The following FAM161B variants were observed in gnomAD, a reference collection of about 807,000 sequenced individuals.
The protein encoded by FAM161B is protein FAM161B.
A neutral mutation model predicts 61.5 loss-of-function variants in FAM161B; 46 were observed. The observed-to-expected ratio is 0.75, with a 90% confidence interval of 0.59 to 0.96. The LOEUF is 0.96. Among genes scored for constraint, FAM161B ranks in the 40% least tolerant of loss-of-function variants. FAM161B has a pLI of 0.00. For synonymous variants in FAM161B, 284 were observed against 302.7 expected (o/e 0.94, Z 0.64); for missense variants, 774 against 800.7 (o/e 0.97, Z 0.40).
Position 73,933,455 on chromosome 14 carries a change from A to G in FAM161B, c.*801T>C, listed in dbSNP as rs1440919628. On this transcript the variant is annotated 3_prime_UTR_variant, in exon 9 of 9. Transcript: ENST00000286544. ...AGAAGTTGTAAGTTTTTCATCCCCC[A>G]TGGGCTAGATCTGATATGCAGATGT... 6.6e-6 allele frequency: 1 copy of G among 152,258 alleles called. No homozygotes were observed. The highest frequency in any genetic ancestry group is 2.4e-5 in the African/African-American group (1 of 41,468). 9.4% of individuals were successfully genotyped at this position (152,258 alleles called of 1,614,324 possible).
chr14:73,934,268 T>C lies in FAM161B; in HGVS notation c.1932A>G (p.Val644=), dbSNP rs2055951536. The C allele has an allele frequency of 1.2e-6, 2 of 1,612,486 alleles. No homozygotes were observed. Among genetic ancestry groups the C allele is most frequent in the Non-Finnish European group, 1.7e-6 (2 of 1,179,632 alleles). The change falls in exon 9 of 9, where the codon GTA becomes GTG. Residue 644 remains valine, a synonymous_variant. Transcript: ENST00000286544. Reference sequence around the variant, plus strand: ...TTAAGTGTAGTGATTAAGCAAGTGATACGAGATTTTCTGGTGACTGATGAG... The same window carrying C: ...TTAAGTGTAGTGATTAAGCAAGTGACACGAGATTTTCTGGTGACTGATGAG... ...ELSHQSPENL[V]SLA
the FAM161B span, among the ~76,000 whole-genome samples, chr14:73,926,310 A>G: frequency 6.6e-6 from 1 of 152,044 alleles, no homozygotes; most frequent in Admixed American, 6.6e-5. Flanking sequence ...GGTTTGCTAG[A>G]GTCAGGATTC....
downstream of FAM161B, among the ~76,000 whole-genome samples, chr14:73,929,875 TGGTTCA>T (rs1278372060): frequency 7.2e-5 from 11 of 152,066 alleles, no homozygotes; most frequent in Admixed American, 3.3e-4. Context: ...GTCACCTCTC[TGGTTCA>T]GGTGGACAAT....
At position 73,950,062 on chromosome 14, in the gene FAM161B, G is replaced by A; in HGVS notation, c.-36C>T. 6.2e-7 allele frequency: 1 copy of A among 1,609,394 alleles called. No individual in the cohort carries two copies. Among genetic ancestry groups the A allele is most frequent in the Non-Finnish European group, 8.5e-7 (1 of 1,179,962 alleles). ...CAGAGGCAGCAGCGACAGTGACAGC[G>A]ATAGTGGCAGCAGCGGTGGCAGCGA... On this transcript the variant is annotated 5_prime_UTR_variant, in exon 1 of 9. Coordinates refer to ENST00000286544, the MANE Select transcript of FAM161B (RefSeq NM_152445.3).
Position 73,942,364 on chromosome 14 carries a change from C to T in FAM161B, c.1272+5G>A, listed in dbSNP as rs750387133. ...TGACCCTCCCACAGCTGCCTGGGCT[C>T]TCACCTGCCTCCTTCCGGTGGTGGC... On this transcript the variant is annotated splice_donor_5th_base_variant and intron_variant, in intron 4 of 8. Coordinates refer to ENST00000286544, the MANE Select transcript of FAM161B (RefSeq NM_152445.3). 3.7e-6 allele frequency: 6 copies of T among 1,612,704 alleles called. No individual in the cohort carries two copies. The highest frequency in any genetic ancestry group is 5.1e-6 in the Non-Finnish European group (6 of 1,179,306).
the FAM161B span, among the ~76,000 whole-genome samples, chr14:73,925,834 C>T: frequency 0.014 from 2,186 of 152,156 alleles, 47 homozygotes; most frequent in African/African-American, 0.049. Context: ...GAGTTCAAGA[C>T]CAGCCTGGGC....
At chr14:73,926,062 CTGTTCT>C in the FAM161B span, among the ~76,000 whole-genome samples, 1 of 152,104 alleles carries the variant, frequency 6.6e-6, no homozygotes, top group Admixed American at 6.6e-5. Flanking sequence ...TAACTTTATA[CTGTTCT>C]TGTTTTATCT....
chr14:73,945,916 A>AT (rs1594778851), intron 2 of FAM161B, among the ~76,000 whole-genome samples: 1 of 151,206 alleles, frequency 6.6e-6, no homozygotes, highest in East Asian at 1.9e-4. Flanking sequence ...TAATTTTTGT[A>AT]TTTTTAGTAG....
At chr14:73,927,224 C>A, downstream of FAM161B, 1 of 229,870 alleles carries the variant, frequency 4.4e-6, no homozygotes, top group South Asian at 3.8e-5. Context: ...TAGCTGGGAC[C>A]ACAGGCAGGT....
chr14:73,933,610 T>C lies in FAM161B; in HGVS notation c.*646A>G, dbSNP rs1488554569. ...TATATTCCAGCAGGATTTGATACTTTCCAGTGTCTACTATCTCCTACTGTC... is the reference window on the plus strand; with the variant it reads ...TATATTCCAGCAGGATTTGATACTTCCCAGTGTCTACTATCTCCTACTGTC... On this transcript the variant is annotated 3_prime_UTR_variant, in exon 9 of 9. Transcript: ENST00000286544. 6.6e-6 allele frequency: 1 copy of C among 152,240 alleles called. No individual in the cohort carries two copies. Among genetic ancestry groups the C allele is most frequent in the South Asian group, 2.1e-4 (1 of 4,828 alleles). The allele number at this position is 152,240 out of a possible 1,614,324, so 9.4% of individuals were successfully genotyped here.
intron 1 of FAM161B, 134 bp from the exon 2 acceptor site, chr14:73,946,739 G>T: frequency 1.2e-6 from 1 of 827,238 alleles, no homozygotes; most frequent in Non-Finnish European, 1.8e-6. Flanking sequence ...AGATGCACTG[G>T]CTCACACCTG....
In FAM161B at chr14:73,949,955, TC is replaced by T; in HGVS notation, c.54+17del. On this transcript the variant is annotated intron_variant, in intron 1 of 8. Coordinates refer to ENST00000286544, the MANE Select transcript of FAM161B (RefSeq NM_152445.3). The stretch of plus-strand genomic sequence containing the variant: ...TCCGGGATTCCTTTCCCGGGGGCAG[TC>T]TCTTTTCTCTCCTCACCTGACGGCT... 1 of 1,612,900 alleles carries T rather than the reference TC, an allele frequency of 6.2e-7. No homozygotes were observed. The highest frequency in any genetic ancestry group is 8.5e-7 in the Non-Finnish European group (1 of 1,179,664).
At chr14:73,923,587 G>A in the FAM161B span, 1 of 1,544,946 alleles carries the variant, frequency 6.5e-7, no homozygotes, top group Non-Finnish European at 8.7e-7. Flanking sequence ...AGAATTTAGA[G>A]GACCTGAAAA....
chr14:73,927,850 A>ATTT (rs769693607), downstream of FAM161B: 125 of 135,222 alleles, frequency 9.2e-4, 3 homozygotes, highest in East Asian at 4.7e-3. Context: ...TTTTTTTTTA[A>ATTT]TTTTTTAGAC....
At chr14:73,925,674 C>T in the FAM161B span, among the ~76,000 whole-genome samples, 1 of 152,106 alleles carries the variant, frequency 6.6e-6, no homozygotes, top group Admixed American at 6.6e-5. Context: ...GTGATCCACC[C>T]GCCTCAGCCT....
In FAM161B at chr14:73,944,196, C is replaced by T. The variant is rs1025012907; in HGVS notation, c.925+139G>A. 5.8e-6 allele frequency: 8 copies of T among 1,367,572 alleles called. No homozygotes were observed. The East Asian group carries it at 1.9e-4, about 32-fold the overall frequency. 84.7% of individuals were successfully genotyped at this position (1,367,572 alleles called of 1,614,324 possible). A position where few individuals can be genotyped will look rare whatever the true frequency, so the allele number is the denominator to read the frequency against. On this transcript the variant is annotated intron_variant, in intron 3 of 8. Coordinates refer to ENST00000286544, the MANE Select transcript of FAM161B (RefSeq NM_152445.3). ...AGACCTAACCCTCCCCAATGGCCTG[C>T]ACTAAGCGTGCAGCCTCTAGTGGGT...
intron 7 of FAM161B, among the ~76,000 whole-genome samples, 184 bp from the exon 8 acceptor site, chr14:73,936,272 T>C (rs1480238153): frequency 2.0e-5 from 3 of 152,212 alleles, no homozygotes; most frequent in Non-Finnish European, 4.4e-5. Flanking sequence ...TCACCTGAGG[T>C]CTTGTTAAAA....
chr14:73,941,177 G>T, intron 4 of FAM161B, 124 bp from the exon 5 acceptor site: 1 of 1,235,838 alleles, frequency 8.1e-7, no homozygotes, highest in Non-Finnish European at 1.1e-6. Flanking sequence ...GAGTGCAGTG[G>T]CGCAATCTCG....
Sources: gnomAD v4.1 joint callset for allele counts (sites outside exome capture counted in the v4.1 genomes callset) on GRCh38, gnomAD v4.1.1 for gene constraint, MANE v1.5 for transcripts, NCBI Gene and HGNC (gene_info 2026-07-23, HGNC 2026-07-21) for gene names.